The following PTPRD variants were observed in gnomAD, a reference collection of about 807,000 sequenced individuals.
PTPRD encodes receptor-type tyrosine-protein phosphatase delta.
In PTPRD, 34 loss-of-function variants were observed where a neutral mutation model predicts 214.5. The observed-to-expected ratio is 0.16, with a 90% CI of 0.12 to 0.21. The LOEUF is 0.21. PTPRD is among the 10% of genes least tolerant of loss of function. The pLI, the probability that PTPRD is intolerant of heterozygous loss-of-function variation, is 1.00. For synonymous variants in PTPRD, 1,128 were observed against 845.7 expected (o/e 1.33, Z -5.79); for missense variants, 2,545 against 2,398.7 (o/e 1.06, Z -1.27).
rs549925093 is a variant in PTPRD at position 10,086,974 on chromosome 9, A to G, written c.-544-53184T>C. On this transcript the variant is annotated intron_variant, in intron 3 of 45. Transcript: ENST00000381196. ...ATTAAGACTGTGATTTTGGACTTCC[A>G]AAAGGACTCAAACTTAATTTAGGAT... Among the ~76,000 whole-genome samples the G allele has an allele frequency of 9.9e-5, 15 of 151,956 alleles. No individual in the cohort carries two copies. The East Asian group carries it at 2.7e-3, about 28-fold the overall frequency.
At chr9:8,351,322 C>T (rs1394103623) in intron 39 of PTPRD, among the ~76,000 whole-genome samples, 2 of 151,868 alleles carry the variant, frequency 1.3e-5, no homozygotes, top group Admixed American at 6.6e-5. Flanking sequence ...TGAAAAGATA[C>T]ACAAATCAGA....
intron 10 of PTPRD, among the ~76,000 whole-genome samples, chr9:9,087,407 T>G (rs569904541): frequency 2.0e-5 from 3 of 152,086 alleles, no homozygotes; most frequent in South Asian, 2.1e-4. Context: ...AGTTCAAGAA[T>G]GAGAAAAACT....
intron 39 of PTPRD, among the ~76,000 whole-genome samples, chr9:8,343,257 G>C (rs1202180689): frequency 6.6e-6 from 1 of 152,034 alleles, no homozygotes; most frequent in Non-Finnish European, 1.5e-5. Flanking sequence ...TAACTAGCTG[G>C]GAATTTGATA....
At chr9:9,891,161 G>C (rs751299927) in intron 5 of PTPRD, among the ~76,000 whole-genome samples, 1 of 152,032 alleles carries the variant, frequency 6.6e-6, no homozygotes, top group Non-Finnish European at 1.5e-5. Context: ...GCCAACCAAC[G>C]GTATATGCAC....
intron 12 of PTPRD, among the ~76,000 whole-genome samples, chr9:8,655,767 T>A (rs2154349184): frequency 6.6e-6 from 1 of 151,384 alleles, no homozygotes; most frequent in Non-Finnish European, 1.5e-5. Context: ...TTTTAATATC[T>A]CCTTCACCCT....
At chr9:9,251,110 G>C (rs543167274) in intron 9 of PTPRD, among the ~76,000 whole-genome samples, 2 of 152,036 alleles carry the variant, frequency 1.3e-5, no homozygotes, top group Admixed American at 6.6e-5. Flanking sequence ...CAGAATCAGA[G>C]AACCAAGGAC....
chr9:9,271,349 C>T (rs187251736), intron 9 of PTPRD, among the ~76,000 whole-genome samples: 8 of 150,272 alleles, frequency 5.3e-5, no homozygotes, highest in East Asian at 2.0e-4. Context: ...TGGAAAAGTA[C>T]GTTCACCTTC....
chr9:10,076,024 A>C (rs1350061513), intron 3 of PTPRD, among the ~76,000 whole-genome samples: 1 of 152,116 alleles, frequency 6.6e-6, no homozygotes. Context: ...TGAGTTCCTG[A>C]CAAAGGTTAT....
At chr9:9,965,908 A>T (rs1158633297) in intron 4 of PTPRD, among the ~76,000 whole-genome samples, 1 of 152,230 alleles carries the variant, frequency 6.6e-6, no homozygotes, top group Non-Finnish European at 1.5e-5. Context: ...CTTAGTGAGC[A>T]TGTTGTATGA....
rs528013957 is a variant in PTPRD, at chr9:10,373,444, G to A, written c.-599-32427C>T. 6.6e-5 allele frequency among the ~76,000 whole-genome samples: 10 copies of A among 152,098 alleles called. No homozygotes were observed. In the South Asian group the frequency reaches 1.7e-3, roughly 25 times the overall value. On this transcript the variant is annotated intron_variant, in intron 2 of 45. Coordinates refer to ENST00000381196, the MANE Select transcript of PTPRD (RefSeq NM_002839.4). Reference sequence around the variant, plus strand: ...ACTTAACTTTCAGTATATGAGCTTTGTTGGCCTCACTTATATATTTACTCA... The same window carrying A: ...ACTTAACTTTCAGTATATGAGCTTTATTGGCCTCACTTATATATTTACTCA...
intron 9 of PTPRD, among the ~76,000 whole-genome samples, chr9:9,243,794 A>G (rs1594404317): frequency 6.6e-6 from 1 of 152,178 alleles, no homozygotes; most frequent in Non-Finnish European, 1.5e-5. Context: ...GGCCAGGGCT[A>G]TCAGGCAGGA....
chr9:10,078,455 G>T (rs953759227), intron 3 of PTPRD, among the ~76,000 whole-genome samples: 1 of 144,990 alleles, frequency 6.9e-6, no homozygotes, highest in Non-Finnish European at 1.5e-5. Context: ...GGTGGAGCTC[G>T]TAGTGAGCCA....
At chr9:8,920,425 G>C (rs1490519465) in intron 11 of PTPRD, among the ~76,000 whole-genome samples, 1 of 152,040 alleles carries the variant, frequency 6.6e-6, no homozygotes, top group East Asian at 1.9e-4. Context: ...ATCTATCTTG[G>C]TCATATTTTT....
intron 5 of PTPRD, among the ~76,000 whole-genome samples, chr9:9,855,577 C>T (rs1390167197): frequency 6.6e-6 from 1 of 152,166 alleles, no homozygotes; most frequent in East Asian, 1.9e-4. Context: ...ACCTGCCGCT[C>T]TCAACAATTT....
At chr9:9,595,766 G>A (rs2093297079) in intron 7 of PTPRD, among the ~76,000 whole-genome samples, 1 of 151,918 alleles carries the variant, frequency 6.6e-6, no homozygotes, top group East Asian at 1.9e-4. Context: ...ACATAAGAAT[G>A]ATACAATGGA....
chr9:8,775,853 ATG>A (rs1491103271), intron 11 of PTPRD, among the ~76,000 whole-genome samples: 9 of 151,500 alleles, frequency 5.9e-5, no homozygotes, highest in African/African-American at 1.7e-4. Flanking sequence ...AAAAAAAAAA[ATG>A]ATGCAATAAT....
chr9:9,142,182 C>T (rs530612800), intron 10 of PTPRD, among the ~76,000 whole-genome samples: 6 of 152,260 alleles, frequency 3.9e-5, no homozygotes, highest in South Asian at 2.1e-4. Context: ...ATTTAAGCTC[C>T]GCAGAGGCAA....
chr9:9,280,957 A>G (rs375001484), intron 9 of PTPRD, among the ~76,000 whole-genome samples: 10 of 151,460 alleles, frequency 6.6e-5, no homozygotes, highest in African/African-American at 2.4e-4. Context: ...AGAGCCAAGA[A>G]GTAGATCCAC....
intron 2 of PTPRD, among the ~76,000 whole-genome samples, chr9:10,612,051 T>G: frequency 6.6e-6 from 1 of 151,910 alleles, no homozygotes; most frequent in East Asian, 1.9e-4. Context: ...GTTAGATTTT[T>G]CAAGCTTTTT....
Sources: gnomAD v4.1 joint callset for allele counts (sites outside exome capture counted in the v4.1 genomes callset) on GRCh38, gnomAD v4.1.1 for gene constraint, MANE v1.5 for transcripts, NCBI Gene and HGNC (gene_info 2026-07-23, HGNC 2026-07-21) for gene names.